Variants in MACROD1 observed in about 807,000 individuals in gnomAD.
The protein encoded by MACROD1 is mono-ADP ribosylhydrolase 1, also known as ADP-ribose glycohydrolase MACROD1.
A neutral mutation model predicts 41.4 loss-of-function variants in MACROD1; 31 were observed. The ratio of observed to expected loss-of-function variants is 0.75; its 90% CI spans 0.56 to 1.01. The LOEUF is 1.01. MACROD1 is among the 50% of genes least tolerant of loss of function. The pLI, the probability that MACROD1 is intolerant of heterozygous loss-of-function variation, is 0.00. For missense variants in MACROD1, 473 were observed against 460.0 expected (o/e 1.03, Z -0.26); for synonymous variants, 252 against 203.4 (o/e 1.24, Z -2.03).
chr11:64,138,129 G>A (rs1381680804), intron 3 of MACROD1, among the ~76,000 whole-genome samples: 1 of 152,172 alleles, frequency 6.6e-6, no homozygotes, highest in African/African-American at 2.4e-5. Context: ...CCCGGCCAAG[G>A]TCACAAGAGC....
At chr11:64,157,989 C>G (rs566366162) in intron 1 of MACROD1, among the ~76,000 whole-genome samples, 2 of 152,330 alleles carry the variant, frequency 1.3e-5, no homozygotes, top group South Asian at 4.1e-4. Context: ...TACCCTGCCC[C>G]CTTGTCTCTG....
chr11:64,059,126 C>T (rs1943848402), intron 3 of MACROD1, among the ~76,000 whole-genome samples: 1 of 152,100 alleles, frequency 6.6e-6, no homozygotes. Flanking sequence ...ACGGAACAGC[C>T]CCTGGTCCTT....
At chr11:64,031,067 GGGATGA>G (rs1943287492) in intron 3 of MACROD1, among the ~76,000 whole-genome samples, 1 of 152,240 alleles carries the variant, frequency 6.6e-6, no homozygotes, top group East Asian at 1.9e-4. Flanking sequence ...GCTGAAGGGA[GGGATGA>G]GGATGAGGAG....
In MACROD1 at chr11:63,998,860, C is replaced by CG; in HGVS notation, c.*7dup. 5 of 1,590,602 alleles carry CG rather than the reference C, an allele frequency of 3.1e-6. No homozygotes were observed. Among genetic ancestry groups the CG allele is most frequent in the Non-Finnish European group, 4.3e-6 (5 of 1,170,370 alleles). On this transcript the variant is annotated 3_prime_UTR_variant, in exon 10 of 11. Transcript: ENST00000255681. ...TACCAGTCCCGGTCAGGGTGGGCTG[C>CG]GGGAGCCTCAGGCTGGAAGGCAGAG...
intron 3 of MACROD1, among the ~76,000 whole-genome samples, chr11:64,109,706 G>A (rs1343269356): frequency 6.6e-6 from 1 of 152,170 alleles, no homozygotes; most frequent in Middle Eastern, 3.2e-3. Flanking sequence ...CCACAGGAGG[G>A]GATGGTTGAT....
At chr11:64,154,728 TA>T (rs1218043680) in intron 1 of MACROD1, among the ~76,000 whole-genome samples, 12 of 152,176 alleles carry the variant, frequency 7.9e-5, no homozygotes, top group African/African-American at 2.9e-4. Context: ...CTTATTCTTT[TA>T]TTTTTTTTTG....
chr11:64,060,599 C>T (rs375213403), intron 3 of MACROD1: 69 of 152,334 alleles, frequency 4.5e-4, no homozygotes, highest in African/African-American at 1.6e-3. Context: ...CGCGCACAGC[C>T]TGAGGATTAG....
chr11:64,091,152 G>A (rs1944483300), intron 3 of MACROD1, among the ~76,000 whole-genome samples: 1 of 139,326 alleles, frequency 7.2e-6, no homozygotes, highest in Non-Finnish European at 1.6e-5. Context: ...GAGGAGGATA[G>A]AAGAGGGATG....
chr11:64,042,452 C>T (rs1023210623), intron 3 of MACROD1, among the ~76,000 whole-genome samples: 5 of 152,200 alleles, frequency 3.3e-5, no homozygotes, highest in African/African-American at 1.2e-4. Context: ...GTGACAGCCC[C>T]TCCCCTAAGC....
chr11:64,048,122 C>G (rs1434741726), intron 3 of MACROD1, among the ~76,000 whole-genome samples: 1 of 152,190 alleles, frequency 6.6e-6, no homozygotes, highest in Non-Finnish European at 1.5e-5. Flanking sequence ...GGCCCAGAAG[C>G]AGGGCCGGGC....
chr11:64,132,440 CG>C (rs1378451121), intron 3 of MACROD1, among the ~76,000 whole-genome samples: 2 of 57,736 alleles, frequency 3.5e-5, no homozygotes, highest in African/African-American at 1.5e-4. Context: ...GGGGGTGGGG[CG>C]GGGGGAGGGG....
At chr11:64,103,419 A>G (rs1282608149) in intron 3 of MACROD1, 2 of 152,074 alleles carry the variant, frequency 1.3e-5, no homozygotes, top group East Asian at 3.9e-4. Flanking sequence ...CAGCCCCACC[A>G]TGAACATCTG....
At chr11:64,004,638 G>T (rs751949564) in intron 4 of MACROD1, among the ~76,000 whole-genome samples, 2 of 152,172 alleles carry the variant, frequency 1.3e-5, no homozygotes, top group African/African-American at 2.4e-5. Context: ...CATCCCGTGG[G>T]GCTGGCCCAC....
intron 3 of MACROD1, among the ~76,000 whole-genome samples, chr11:64,131,331 C>G (rs1945261983): frequency 6.6e-6 from 1 of 151,706 alleles, no homozygotes; most frequent in Non-Finnish European, 1.5e-5. Context: ...CCTCAAAGAC[C>G]CTCGGGACGT....
intron 3 of MACROD1, among the ~76,000 whole-genome samples, chr11:64,141,515 A>G (rs1357332557): frequency 6.6e-6 from 1 of 152,256 alleles, no homozygotes; most frequent in African/African-American, 2.4e-5. Context: ...CCCTGAAACC[A>G]GCTCGGCTGT....
At chr11:64,078,136 C>T (rs1438193985) in intron 3 of MACROD1, among the ~76,000 whole-genome samples, 1 of 152,212 alleles carries the variant, frequency 6.6e-6, no homozygotes, top group Non-Finnish European at 1.5e-5. Context: ...CACTCCTTTC[C>T]TTCCTCTCAA....
At chr11:64,161,223 G>A (rs749893851) in intron 1 of MACROD1, among the ~76,000 whole-genome samples, 75 of 152,136 alleles carry the variant, frequency 4.9e-4, no homozygotes, top group African/African-American at 1.6e-3. Flanking sequence ...GCTGTGGTAC[G>A]TTCATATGCT....
intron 3 of MACROD1, among the ~76,000 whole-genome samples, chr11:64,029,341 C>T (rs531655043): frequency 7.2e-5 from 11 of 152,184 alleles, no homozygotes; most frequent in East Asian, 1.9e-4. Flanking sequence ...ATCTGGCGGC[C>T]GGCAGAAGAG....
chr11:64,088,996 G>A (rs181527843), intron 3 of MACROD1, among the ~76,000 whole-genome samples: 5 of 152,288 alleles, frequency 3.3e-5, no homozygotes, highest in Non-Finnish European at 4.4e-5. Flanking sequence ...CTCAGAGAGA[G>A]CCACCGAAGC....
Sources: gnomAD v4.1 joint callset for allele counts (sites outside exome capture counted in the v4.1 genomes callset) on GRCh38, gnomAD v4.1.1 for gene constraint, MANE v1.5 for transcripts, NCBI Gene and HGNC (gene_info 2026-07-23, HGNC 2026-07-21) for gene names.